The following AKT3 variants were observed in gnomAD, a reference collection of about 807,000 sequenced individuals.
AKT3 encodes RAC-gamma serine/threonine-protein kinase.
In AKT3, 15 loss-of-function variants were observed where a neutral mutation model predicts 65.3. The observed-to-expected ratio is 0.23, with a 90% CI of 0.15 to 0.35. The LOEUF (loss-of-function observed/expected upper bound fraction) is 0.35. Among genes scored for constraint, AKT3 ranks in the 10% least tolerant of loss-of-function variants. The probability of loss-of-function intolerance (pLI) is 1.00; values close to 1 mark genes in which losing one functional copy is unlikely to be tolerated. For missense variants in AKT3, 243 were observed against 576.5 expected (o/e 0.42, Z 5.92); for synonymous variants, 206 against 183.8 (o/e 1.12, Z -0.98).
At chr1:243,605,737 A>G (rs180931445) in intron 8 of AKT3, among the ~76,000 whole-genome samples, 1 of 152,336 alleles carries the variant, frequency 6.6e-6, no homozygotes, top group East Asian at 1.9e-4. Flanking sequence ...TAGTGCTCCA[A>G]ATACAGTCAT....
intron 2 of AKT3, among the ~76,000 whole-genome samples, chr1:243,795,430 G>A (rs1691894010): frequency 6.7e-6 from 1 of 149,924 alleles, no homozygotes; most frequent in Non-Finnish European, 1.5e-5. Flanking sequence ...TTCAGGCGTA[G>A]GTTTCCCTTG....
At chr1:243,636,255 T>A (rs1240153757) in intron 6 of AKT3, among the ~76,000 whole-genome samples, 1 of 152,118 alleles carries the variant, frequency 6.6e-6, no homozygotes, top group Non-Finnish European at 1.5e-5. Context: ...TTCATTTGAT[T>A]TGTAATTTAA....
chr1:243,515,388 TAA>T (rs35064713), intron 12 of AKT3, among the ~76,000 whole-genome samples: 4 of 143,570 alleles, frequency 2.8e-5, no homozygotes, highest in African/African-American at 5.1e-5. Context: ...TTTACCATGT[TAA>T]AAAAAAAAAA....
chr1:243,603,386 G>T (rs1454414259), intron 8 of AKT3, among the ~76,000 whole-genome samples: 1 of 152,162 alleles, frequency 6.6e-6, no homozygotes, highest in Non-Finnish European at 1.5e-5. Flanking sequence ...AATATACTCT[G>T]TTGTACCTAA....
chr1:243,699,359 T>G (rs1685272433), intron 2 of AKT3, among the ~76,000 whole-genome samples: 2 of 150,966 alleles, frequency 1.3e-5, no homozygotes, highest in South Asian at 4.2e-4. Context: ...GATTGTTCAA[T>G]GGACACCCAC....
chr1:243,836,631 C>T (rs1453099284), intron 2 of AKT3, among the ~76,000 whole-genome samples: 1 of 152,126 alleles, frequency 6.6e-6, no homozygotes, highest in Admixed American at 6.5e-5. Context: ...AAAAAGTTGG[C>T]TGGGTGCAGT....
Position 243,540,706 on chromosome 1 carries a change from C to A in AKT3, c.1251+4804G>T, listed in dbSNP as rs1393284828. On this transcript the variant is annotated intron_variant, in intron 12 of 13. Transcript: ENST00000673466. ...ACCAATGCCCCTGCCTAGTCCAGGA[C>A]CCAACCCAGGATCCCACATCGCAGT... Among the ~76,000 whole-genome samples the A allele has an allele frequency of 2.0e-5, 3 of 152,120 alleles. No individual in the cohort carries two copies. The East Asian group carries it at 5.8e-4, about 29-fold the overall frequency.
At position 243,720,703 on chromosome 1, in the gene AKT3, A is replaced by G. The variant is rs189940082; in HGVS notation, c.47-24987T>C. Among the ~76,000 whole-genome samples, 422 of 152,296 alleles carry G rather than the reference A, an allele frequency of 2.8e-3. 1 individual carries two copies. The highest frequency in any genetic ancestry group is 6.8e-3 in the Middle Eastern group (2 of 294). The stretch of plus-strand genomic sequence containing the variant: ...CCTCAAATATTAGTATCTTAAAATT[A>G]TAAAGTAGATAAATATTAAGGGTTA... On this transcript the variant is annotated intron_variant, in intron 2 of 13. Coordinates refer to ENST00000673466, the MANE Select transcript of AKT3 (RefSeq NM_005465.7).
chr1:243,489,254 C>T (rs1487899357), intron 13 of AKT3: 1 of 1,392,494 alleles, frequency 7.2e-7, no homozygotes, highest in Non-Finnish European at 9.8e-7. Flanking sequence ...TAGCAGTAAG[C>T]TGGGAGGGAG....
intron 3 of AKT3, among the ~76,000 whole-genome samples, chr1:243,665,224 T>G (rs1308888341): frequency 6.6e-6 from 1 of 152,212 alleles, no homozygotes; most frequent in Non-Finnish European, 1.5e-5. Context: ...GCAGTCACAA[T>G]AGTACTGATC....
chr1:243,623,326 G>T (rs1038012486), intron 6 of AKT3, among the ~76,000 whole-genome samples: 2 of 152,108 alleles, frequency 1.3e-5, no homozygotes, highest in African/African-American at 4.8e-5. Context: ...TCACTACTGG[G>T]AGAATTAAAA....
Position 243,824,663 on chromosome 1 carries a change from T to G in AKT3, c.46+18462A>C, listed in dbSNP as rs1305478469. Among the ~76,000 whole-genome samples the G allele has an allele frequency of 2.7e-4, 41 of 151,546 alleles. 1 individual carries two copies. Among genetic ancestry groups the G allele is most frequent in the Non-Finnish European group, 2.9e-5 (2 of 67,870 alleles). ...AAACATGAAAAAAAAAAGCTCAATA[T>G]CACTGATCATTCAAGAAATTCAAAT... On this transcript the variant is annotated intron_variant, in intron 2 of 13. Coordinates refer to ENST00000673466, the MANE Select transcript of AKT3 (RefSeq NM_005465.7).
downstream of AKT3, among the ~76,000 whole-genome samples, chr1:243,496,096 C>A (rs1486361955): frequency 6.6e-6 from 1 of 152,212 alleles, no homozygotes; most frequent in African/African-American, 2.4e-5. Context: ...AGGATTAGTG[C>A]TGAGATCATT....
chr1:243,689,447 T>G (rs1684548122), intron 3 of AKT3, among the ~76,000 whole-genome samples: 1 of 151,438 alleles, frequency 6.6e-6, no homozygotes, highest in Non-Finnish European at 1.5e-5. Context: ...TTTTTCTACA[T>G]ATTTAAAATC....
At chr1:243,726,795 G>C (rs1687238584) in intron 2 of AKT3, among the ~76,000 whole-genome samples, 1 of 152,062 alleles carries the variant, frequency 6.6e-6, no homozygotes, top group African/African-American at 2.4e-5. Flanking sequence ...GCATCCTCAT[G>C]AAAAAACAGG....
chr1:243,796,163 G>A (rs1691991683), intron 2 of AKT3, among the ~76,000 whole-genome samples: 1 of 152,312 alleles, frequency 6.6e-6, no homozygotes, highest in Non-Finnish European at 1.5e-5. Flanking sequence ...TTTGAAAGAG[G>A]TATAGCAGCT....
intron 2 of AKT3, among the ~76,000 whole-genome samples, chr1:243,698,518 T>C (rs1475775138): frequency 6.6e-6 from 1 of 152,098 alleles, no homozygotes; most frequent in Non-Finnish European, 1.5e-5. Flanking sequence ...GTATCTTTTT[T>C]ATTAAGCAGA....
intron 8 of AKT3, among the ~76,000 whole-genome samples, chr1:243,591,643 G>A (rs189395395): frequency 7.9e-5 from 12 of 151,746 alleles, no homozygotes; most frequent in East Asian, 5.8e-4. Context: ...TAAATTAGCC[G>A]TTGAAAATAT....
At chr1:243,741,132 A>G (rs1572259478) in intron 2 of AKT3, among the ~76,000 whole-genome samples, 1 of 152,190 alleles carries the variant, frequency 6.6e-6, no homozygotes, top group African/African-American at 2.4e-5. Context: ...AAGAACACTA[A>G]CAGTATAAAC....
Sources: gnomAD v4.1 joint callset for allele counts (sites outside exome capture counted in the v4.1 genomes callset) on GRCh38, gnomAD v4.1.1 for gene constraint, MANE v1.5 for transcripts, NCBI Gene and HGNC (gene_info 2026-07-23, HGNC 2026-07-21) for gene names.